Variants in TSPAN18 observed in about 807,000 individuals in gnomAD.
TSPAN18 encodes the protein tetraspanin-18.
In TSPAN18, 14 loss-of-function variants were observed where a neutral mutation model predicts 27.3. That is an observed-to-expected ratio of 0.51 (90% CI 0.34 to 0.80). The LOEUF is 0.80. TSPAN18 is among the 30% of genes least tolerant of loss of function. The pLI, the probability that TSPAN18 is intolerant of heterozygous loss-of-function variation, is 0.01. For missense variants in TSPAN18, 268 were observed against 323.9 expected, an observed-to-expected ratio of 0.83 and a Z score of 1.32; for synonymous variants, 143 against 136.5, an observed-to-expected ratio of 1.05 and a Z score of -0.33.
intron 3 of TSPAN18, among the ~76,000 whole-genome samples, chr11:44,875,958 C>G (rs1006279861): frequency 1.7e-4 from 26 of 152,308 alleles, no homozygotes; most frequent in Admixed American, 1.7e-3. Context: ...AGTGGCAAAG[C>G]TGAGATTCAG....
chr11:44,908,974 T>C (rs1015446028), intron 4 of TSPAN18, among the ~76,000 whole-genome samples: 1 of 152,166 alleles, frequency 6.6e-6, no homozygotes, highest in Admixed American at 6.5e-5. Context: ...GACACTTGCC[T>C]AGGGTCACAC....
intron 3 of TSPAN18, among the ~76,000 whole-genome samples, chr11:44,903,041 A>G (rs1859319845): frequency 6.6e-6 from 1 of 152,144 alleles, no homozygotes; most frequent in South Asian, 2.1e-4. Context: ...ACTGTGTCCC[A>G]GGAGGGCACA....
At chr11:44,870,686 T>C (rs997843233) in intron 3 of TSPAN18, among the ~76,000 whole-genome samples, 3 of 152,150 alleles carry the variant, frequency 2.0e-5, no homozygotes, top group African/African-American at 7.2e-5. Flanking sequence ...GCTCAGGAAA[T>C]TGTAGCTCAG....
At chr11:44,882,587 GACAC>G (rs748475836) in intron 3 of TSPAN18, among the ~76,000 whole-genome samples, 55 of 130,860 alleles carry the variant, frequency 4.2e-4, no homozygotes, top group East Asian at 2.6e-3. Context: ...CAGAGAGAGA[GACAC>G]ACACACACAC....
intron 2 of TSPAN18, among the ~76,000 whole-genome samples, chr11:44,796,399 G>A (rs898132767): frequency 6.6e-6 from 1 of 152,108 alleles, no homozygotes; most frequent in African/African-American, 2.4e-5. Context: ...ACTCCTGTGG[G>A]TTCCTCCATT....
chr11:44,833,463 G>A (rs1857196816), intron 2 of TSPAN18, among the ~76,000 whole-genome samples: 1 of 151,988 alleles, frequency 6.6e-6, no homozygotes, highest in African/African-American at 2.4e-5. Flanking sequence ...AGCCCTCCCT[G>A]GATTTCCAGG....
chr11:44,742,725 A>G (rs1033839478), intron 1 of TSPAN18, among the ~76,000 whole-genome samples: 3 of 152,196 alleles, frequency 2.0e-5, no homozygotes, highest in African/African-American at 4.8e-5. Context: ...CCCTGCCCCC[A>G]GCGTGCTGAC....
intron 8 of TSPAN18, among the ~76,000 whole-genome samples, chr11:44,923,239 C>A (rs1860212120): frequency 6.6e-6 from 1 of 152,062 alleles, no homozygotes; most frequent in African/African-American, 2.4e-5. Context: ...TGTGGGTGAC[C>A]CATTGTGGTG....
At chr11:44,812,532 G>A (rs923417483) in intron 2 of TSPAN18, among the ~76,000 whole-genome samples, 2 of 152,174 alleles carry the variant, frequency 1.3e-5, no homozygotes, top group African/African-American at 2.4e-5. Flanking sequence ...GGGGCACCAC[G>A]TGCTGCTGGA....
chr11:44,765,399 G>A (rs140618218), intron 2 of TSPAN18, among the ~76,000 whole-genome samples: 1 of 152,166 alleles, frequency 6.6e-6, no homozygotes, highest in African/African-American at 2.4e-5. Flanking sequence ...CGATGGCTCC[G>A]ACCCTTGGTG....
At chr11:44,770,273 G>A (rs1855661555) in intron 2 of TSPAN18, among the ~76,000 whole-genome samples, 1 of 152,220 alleles carries the variant, frequency 6.6e-6, no homozygotes, top group Admixed American at 6.5e-5. Flanking sequence ...GGCAGGGAAT[G>A]ACTCGGGTGG....
At chr11:44,903,437 G>A (rs1290992121) in intron 3 of TSPAN18, 2 of 456,468 alleles carry the variant, frequency 4.4e-6, no homozygotes, top group Non-Finnish European at 8.8e-6. Context: ...AGTCTTGGAG[G>A]TCCTGTGGTC....
Position 44,929,265 on chromosome 11 carries a change from TG to T in TSPAN18, c.*89del. 6.4e-7 allele frequency: 1 copy of T among 1,550,554 alleles called. No homozygotes were observed. Among genetic ancestry groups the T allele is most frequent in the East Asian group, 2.2e-5 (1 of 44,586 alleles). ...CCCGTGCCCCTCCCCGCTGTCCTCT[TG>T]GCCCCAGGGGAGAAGATGAGGCCAT... is the stretch of plus-strand genomic sequence containing the variant. On this transcript the variant is annotated 3_prime_UTR_variant, in exon 10 of 10. Transcript: ENST00000520358.
rs569088743 is a variant in TSPAN18, at chr11:44,742,013, A to G, written c.-240+14726A>G. 5.9e-5 allele frequency among the ~76,000 whole-genome samples: 9 copies of G among 151,688 alleles called. No individual in the cohort carries two copies. In the South Asian group the frequency reaches 1.9e-3, roughly 32 times the overall value. ...ACCCATATACGTTGTAGCTCATTCAATGCCCAGCAATCCAACCGGAGTGGG... is the reference window on the plus strand; with the variant it reads ...ACCCATATACGTTGTAGCTCATTCAGTGCCCAGCAATCCAACCGGAGTGGG... On this transcript the variant is annotated intron_variant, in intron 1 of 9. Transcript: ENST00000520358.
At chr11:44,786,038 G>A (rs1856049420) in intron 2 of TSPAN18, among the ~76,000 whole-genome samples, 1 of 152,272 alleles carries the variant, frequency 6.6e-6, no homozygotes. Flanking sequence ...GCTGAGCACT[G>A]TGCCTCATGC....
At chr11:44,805,052 T>C (rs1462686020) in intron 2 of TSPAN18, among the ~76,000 whole-genome samples, 2 of 152,130 alleles carry the variant, frequency 1.3e-5, no homozygotes, top group Non-Finnish European at 2.9e-5. Context: ...GTTGGGGGAA[T>C]CAGGAGTGAC....
intron 1 of TSPAN18, among the ~76,000 whole-genome samples, chr11:44,742,755 T>C (rs1346280706): frequency 6.6e-6 from 1 of 152,210 alleles, no homozygotes; most frequent in African/African-American, 2.4e-5. Flanking sequence ...GTACCGCTAA[T>C]GCAAAGAGAG....
At chr11:44,798,179 A>T (rs778317188) in intron 2 of TSPAN18, among the ~76,000 whole-genome samples, 10 of 152,162 alleles carry the variant, frequency 6.6e-5, no homozygotes, top group Admixed American at 2.6e-4. Flanking sequence ...AGCTCTTAGG[A>T]AATCACTATC....
At chr11:44,897,850 CTCCCT>C in intron 3 of TSPAN18, 1 of 1,289,418 alleles carries the variant, frequency 7.8e-7, no homozygotes. Context: ...GCAATAGCCT[CTCCCT>C]TCTCAGTGTA....
Sources: allele counts gnomAD v4.1 joint callset (sites outside exome capture counted in the v4.1 genomes callset), GRCh38; gene constraint gnomAD v4.1.1; transcripts MANE v1.5; gene names NCBI Gene and HGNC (gene_info 2026-07-23, HGNC 2026-07-21).